The following ZNF644 variants were observed in gnomAD, a reference collection of about 807,000 sequenced individuals.
ZNF644 encodes the protein zinc finger protein 644.
ZNF644 carries 20 observed loss-of-function variants against 108.0 expected under a neutral mutation model. That is an observed-to-expected ratio of 0.19 (90% CI 0.13 to 0.27). ZNF644 has a LOEUF of 0.27. Among genes scored for constraint, ZNF644 ranks in the 10% least tolerant of loss-of-function variants. ZNF644 has a pLI of 1.00. For synonymous variants in ZNF644, 542 were observed against 539.1 expected, an observed-to-expected ratio of 1.01 and a Z score of -0.08; for missense variants, 1,338 against 1,548.9, an observed-to-expected ratio of 0.86 and a Z score of 2.29.
intron 2 of ZNF644, among the ~76,000 whole-genome samples, chr1:90,947,035 G>A (rs183122784): frequency 9.2e-4 from 140 of 152,298 alleles, no homozygotes; most frequent in African/African-American, 2.9e-3. Flanking sequence ...ATGAAGGCAA[G>A]GAGGGCAGGG....
chr1:90,960,433 AGGTTT>A (rs1654219919), intron 2 of ZNF644, among the ~76,000 whole-genome samples: 5 of 152,134 alleles, frequency 3.3e-5, no homozygotes. Context: ...GACAGCAATA[AGGTTT>A]GGTACGACCT....
intron 2 of ZNF644, among the ~76,000 whole-genome samples, chr1:90,963,115 C>A (rs142919257): frequency 2.3e-3 from 344 of 152,090 alleles, no homozygotes; most frequent in Non-Finnish European, 4.0e-3. Flanking sequence ...TACAGAAACT[C>A]CAATAGGAAA....
At position 90,938,952 on chromosome 1, in the gene ZNF644, T is replaced by C. The variant is rs763426271; in HGVS notation, c.2402A>G (p.Lys801Arg). The C allele has an allele frequency of 6.2e-6, 10 of 1,613,936 alleles. No individual in the cohort carries two copies. In the Admixed American group the frequency reaches 1.0e-4, roughly 16 times the overall value. The change falls in exon 3 of 6, where the codon AAA becomes AGA. Residue 801 changes from lysine (K) to arginine (R), a missense_variant. By Grantham distance (26) the Lys-to-Arg change is conservative (BLOSUM62 2). Around this residue, in one of 6 missense-constraint regions of ZNF644, gnomAD observed 462 missense variants for 472.6 expected, o/e 0.98. Coordinates refer to ENST00000337393, the MANE Select transcript of ZNF644 (RefSeq NM_201269.3). This position sits in a 1 kb window ranked among gnomAD's most constrained non-coding sequence, Gnocchi z 4.2. Reference sequence around the variant, plus strand: ...CTTTACAGCTACACGTCTGTGATCTTTGAAGCTTTCAGGCCTTTTGGCGTC... The same window carrying C: ...CTTTACAGCTACACGTCTGTGATCTCTGAAGCTTTCAGGCCTTTTGGCGTC... ...KPDAKRPESF[K>R]DHRRVAVKRV... is the part of the protein sequence containing the mutation.
At chr1:91,015,756 G>C (rs1276331368) in intron 1 of ZNF644, among the ~76,000 whole-genome samples, 4 of 152,058 alleles carry the variant, frequency 2.6e-5, no homozygotes, top group South Asian at 2.1e-4. Flanking sequence ...TGTCTTTATC[G>C]GCATGGCTTA....
intron 1 of ZNF644, among the ~76,000 whole-genome samples, chr1:91,003,919 A>T (rs1659146367): frequency 6.6e-6 from 1 of 152,176 alleles, no homozygotes; most frequent in South Asian, 2.1e-4. Context: ...AGAAAAAAAC[A>T]AATTGTAGAA....
At chr1:91,021,904 C>G (rs1449270725) in intron 1 of ZNF644, 86 bp downstream of exon 1, 1 of 399,060 alleles carries the variant, frequency 2.5e-6, no homozygotes, top group African/African-American at 2.1e-5. Flanking sequence ...TCTTCCGCCA[C>G]CCTCAGTCCC....
rs538302047 is a variant in ZNF644 at position 90,940,779 on chromosome 1, T to G, written c.575A>C (p.Lys192Thr). The G allele has an allele frequency of 1.2e-4, 196 of 1,614,010 alleles. 2 individuals carry two copies. In the South Asian group the frequency reaches 2.1e-3, roughly 17 times the overall value. Residue 192 changes from lysine to threonine, a missense_variant, in exon 3 of 6, where the codon AAA (lysine) becomes ACA (threonine). Physicochemically the swap from Lys to Thr is moderately conservative, Grantham distance 78. This residue lies in a region of ZNF644 where 464 missense variants were observed against 457.9 expected (regional missense o/e 1.01). Coordinates refer to ENST00000337393, the MANE Select transcript of ZNF644 (RefSeq NM_201269.3). ...AHAKNPTHSN[K>T]KLPTSASVGC... ...AACTGAAGCAGAGGTAGGTAGTTTT[T>G]TATTGGAATGGGTGGGATTCTTAGC...
chr1:90,936,867 A>G (rs1651373166), intron 4 of ZNF644, among the ~76,000 whole-genome samples: 1 of 152,214 alleles, frequency 6.6e-6, no homozygotes, highest in South Asian at 2.1e-4. Context: ...TTAGAGCACT[A>G]TCTTAAAACC....
Position 90,954,791 on chromosome 1 carries a change from A to G in ZNF644, c.45-13482T>C, listed in dbSNP as rs1653576251. Among the ~76,000 whole-genome samples the G allele has an allele frequency of 2.0e-5, 3 of 152,148 alleles. No individual in the cohort carries two copies. In the South Asian group the frequency reaches 6.2e-4, roughly 31 times the overall value. ...GCTCCACTGTAGTCTTGCATCCCTC[A>G]AAGTCATACATGAGGGTTGAAATCG... On this transcript the variant is annotated intron_variant, in intron 2 of 5. Coordinates refer to ENST00000337393, the MANE Select transcript of ZNF644 (RefSeq NM_201269.3).
In ZNF644 at chr1:90,939,960, T is replaced by C. The variant is rs767521907; in HGVS notation, c.1394A>G (p.Lys465Arg). Residue 465 changes from lysine to arginine, a missense_variant, in exon 3 of 6, where the codon AAA becomes AGA. Lys to Arg is a conservative substitution (Grantham distance 26). Coordinates refer to ENST00000337393, the MANE Select transcript of ZNF644 (RefSeq NM_201269.3). The stretch of plus-strand genomic sequence containing the variant: ...TCTCTCCTGGTGAATAATCATATGT[T>C]TTAGAAGTGAATTGCGATCTCGAAA... ...RTFRDRNSLL[K>R]HMIIHQERRQ... 2.0e-5 allele frequency: 33 copies of C among 1,613,952 alleles called. No individual in the cohort carries two copies. The highest frequency in any genetic ancestry group is 2.7e-5 in the Non-Finnish European group (32 of 1,179,954).
At chr1:90,974,654 A>G (rs1655814625) in intron 2 of ZNF644, among the ~76,000 whole-genome samples, 1 of 152,044 alleles carries the variant, frequency 6.6e-6, no homozygotes, top group South Asian at 2.1e-4. Context: ...CTCAAATCCA[A>G]CCACATCTTT....
At chr1:91,017,744 CT>C (rs1330254452) in intron 1 of ZNF644, among the ~76,000 whole-genome samples, 1 of 152,096 alleles carries the variant, frequency 6.6e-6, no homozygotes, top group Non-Finnish European at 1.5e-5. Context: ...GGTGAATCAC[CT>C]GAGGTCAGGA....
In ZNF644 at chr1:91,013,357, T is replaced by C. The variant is rs533923798; in HGVS notation, c.-18+8633A>G. 3.3e-5 allele frequency among the ~76,000 whole-genome samples: 5 copies of C among 152,142 alleles called. No homozygotes were observed. The South Asian group carries it at 8.3e-4, about 25-fold the overall frequency. On this transcript the variant is annotated intron_variant, in intron 1 of 5. Coordinates refer to ENST00000337393, the MANE Select transcript of ZNF644 (RefSeq NM_201269.3). ...TCCCATAGTGCTGGGACTACAGGCA[T>C]GAGCCAATGCACCCAGTTAATTCAG...
intron 1 of ZNF644, among the ~76,000 whole-genome samples, chr1:91,003,077 T>C (rs1350685589): frequency 6.6e-6 from 1 of 152,250 alleles, no homozygotes; most frequent in Admixed American, 6.5e-5. Context: ...TTTTACACTG[T>C]TGGTGGGAGT....
At chr1:90,923,131 T>C (rs1416166190) in intron 4 of ZNF644, among the ~76,000 whole-genome samples, 1 of 152,172 alleles carries the variant, frequency 6.6e-6, no homozygotes, top group African/African-American at 2.4e-5. Flanking sequence ...ACCAGCTTCA[T>C]GGGTGTCCAA....
At chr1:91,007,478 T>G (rs565017998) in intron 1 of ZNF644, among the ~76,000 whole-genome samples, 3 of 152,114 alleles carry the variant, frequency 2.0e-5, no homozygotes, top group African/African-American at 4.8e-5. Flanking sequence ...CCACCCAAAG[T>G]GCTGGGATTA....
intron 2 of ZNF644, among the ~76,000 whole-genome samples, chr1:90,980,907 TGA>T (rs1656482860): frequency 6.6e-6 from 1 of 152,146 alleles, no homozygotes; most frequent in Admixed American, 6.5e-5. Flanking sequence ...AATGTGTATG[TGA>T]AAAGTCATTC....
chr1:90,937,177 A>T (rs1056631375), intron 4 of ZNF644, among the ~76,000 whole-genome samples: 1 of 152,138 alleles, frequency 6.6e-6, no homozygotes, highest in Non-Finnish European at 1.5e-5. Context: ...AGCCAGAGCA[A>T]GTTTTATTTT....
chr1:90,935,710 A>T (rs1651242904), intron 4 of ZNF644, among the ~76,000 whole-genome samples: 1 of 152,226 alleles, frequency 6.6e-6, no homozygotes, highest in Non-Finnish European at 1.5e-5. Context: ...GTTAGTATTT[A>T]GAGTCAACTC....
Sources: allele counts gnomAD v4.1 joint callset (sites outside exome capture counted in the v4.1 genomes callset), GRCh38; gene constraint gnomAD v4.1.1; regional missense constraint gnomAD v4.1.1; non-coding constraint Gnocchi (gnomAD v3.1); transcripts MANE v1.5; gene names NCBI Gene and HGNC (gene_info 2026-07-23, HGNC 2026-07-21).